Variants in LPIN1 observed in about 807,000 individuals in gnomAD.
LPIN1 encodes the protein phosphatidate phosphatase LPIN1.
Under a neutral mutation model 107.5 loss-of-function variants are expected in LPIN1, and 71 were observed. That is an observed-to-expected ratio of 0.66 (90% CI 0.55 to 0.80). The LOEUF is 0.80. Ranked by LOEUF, LPIN1 falls within the 30% of genes least tolerant of loss-of-function variation. The pLI, the probability that LPIN1 is intolerant of heterozygous loss-of-function variation, is 0.00. For synonymous variants in LPIN1, 445 were observed against 452.6 expected (o/e 0.98, Z 0.21); for missense variants, 1,043 against 1,160.6 (o/e 0.90, Z 1.47).
At chr2:11,790,673 C>G (rs916413909) in intron 12 of LPIN1, among the ~76,000 whole-genome samples, 1 of 152,156 alleles carries the variant, frequency 6.6e-6, no homozygotes, top group African/African-American at 2.4e-5. Context: ...ATTAACTAAC[C>G]CTATCCTCCA....
chr2:11,784,176 C>A, intron 9 of LPIN1: 2 of 722,654 alleles, frequency 2.8e-6, no homozygotes, highest in Non-Finnish European at 4.0e-6. Context: ...TGCTGGCATG[C>A]ACCTGTAATC....
At chr2:11,809,519 C>A (rs183186548) in intron 17 of LPIN1, among the ~76,000 whole-genome samples, 274 of 152,218 alleles carry the variant, frequency 1.8e-3, no homozygotes, top group African/African-American at 4.4e-3. Context: ...CAGGTTCAAG[C>A]GATTCTCCTG....
At chr2:11,685,425 G>A (rs1661955961) in intron 1 of LPIN1, among the ~76,000 whole-genome samples, 1 of 152,214 alleles carries the variant, frequency 6.6e-6, no homozygotes. Flanking sequence ...CCTGTTGGGA[G>A]GCTGTTGCAA....
chr2:11,744,204 T>C (rs1666651976), upstream of LPIN1, among the ~76,000 whole-genome samples: 1 of 152,230 alleles, frequency 6.6e-6, no homozygotes, highest in Admixed American at 6.5e-5. Context: ...CCTTCTCCTC[T>C]TCCGAGTGCA....
chr2:11,685,088 A>ATGACGTAATTTTCAATGGGGAGGT (rs1661933866), intron 1 of LPIN1, among the ~76,000 whole-genome samples: 1 of 152,130 alleles, frequency 6.6e-6, no homozygotes, highest in Non-Finnish European at 1.5e-5. Flanking sequence ...AGACGGGAGG[A>ATGACGTAATTTTCAATGGGGAGGT]TGACGTAATT....
intron 2 of LPIN1, 113 bp from the exon 3 acceptor site, chr2:11,767,650 C>T: frequency 1.3e-6 from 1 of 746,856 alleles, no homozygotes; most frequent in Non-Finnish European, 2.5e-6. Flanking sequence ...AGTTGTGTGG[C>T]ACTTCAGGGT....
chr2:11,757,580 G>C (rs1021506176), intron 1 of LPIN1, among the ~76,000 whole-genome samples: 3 of 152,180 alleles, frequency 2.0e-5, no homozygotes, highest in East Asian at 3.9e-4. Context: ...AGAAAGAAGA[G>C]CCTGGCTGCC....
At chr2:11,721,377 T>A (rs1484014472), upstream of LPIN1, among the ~76,000 whole-genome samples, 1 of 151,456 alleles carries the variant, frequency 6.6e-6, no homozygotes, top group African/African-American at 2.4e-5. Context: ...TTATAGGCCA[T>A]GGCTAAAATG....
intron 1 of LPIN1, among the ~76,000 whole-genome samples, chr2:11,752,609 TTTTAG>T (rs1668020547): frequency 1.3e-5 from 2 of 150,460 alleles, no homozygotes; most frequent in Admixed American, 1.3e-4. Flanking sequence ...TTTTTTGTAT[TTTTAG>T]TAGAGACGGG....
intron 1 of LPIN1, among the ~76,000 whole-genome samples, chr2:11,691,629 A>G (rs1292191007): frequency 6.6e-6 from 1 of 152,202 alleles, no homozygotes; most frequent in Non-Finnish European, 1.5e-5. Context: ...ATATTTGCTT[A>G]TCCATTGATA....
intron 3 of LPIN1, among the ~76,000 whole-genome samples, chr2:11,768,935 C>CA (rs1277200230): frequency 6.6e-6 from 1 of 150,536 alleles, no homozygotes; most frequent in South Asian, 2.1e-4. Context: ...GGCTCTGTCT[C>CA]AAAAAACAAA....
At chr2:11,762,749 A>G (rs538235240) in intron 1 of LPIN1, among the ~76,000 whole-genome samples, 1 of 152,300 alleles carries the variant, frequency 6.6e-6, no homozygotes, top group East Asian at 1.9e-4. Context: ...CAAAATATAT[A>G]TTTCCTATTA....
rs1238964019 is a variant in LPIN1, at chr2:11,825,016, T to C, written c.*225T>C. 5 of 583,754 alleles carry C rather than the reference T, an allele frequency of 8.6e-6. No individual in the cohort carries two copies. In the South Asian group the frequency reaches 1.0e-4, roughly 12 times the overall value. 36.2% of individuals were successfully genotyped at this position (583,754 alleles called of 1,614,324 possible). The stretch of plus-strand genomic sequence containing the variant: ...CTAGGCTAGGAGTTGGGTGCATTTG[T>C]ACCGTGAAAAGCATTCCTCAGTTGT... On this transcript the variant is annotated 3_prime_UTR_variant, in exon 21 of 21. Transcript: ENST00000674199. This position sits in a 1 kb window ranked among gnomAD's most constrained non-coding sequence, Gnocchi z 4.1.
At chr2:11,804,625 G>T in intron 16 of LPIN1, 54 bp downstream of exon 16, 1 of 1,563,270 alleles carries the variant, frequency 6.4e-7, no homozygotes. Context: ...CACCGTGGGG[G>T]TCTCTGGGCC....
chr2:11,824,863 A>G lies in LPIN1; in HGVS notation c.*72A>G, dbSNP rs1179510418. The G allele has an allele frequency of 7.1e-6, 11 of 1,556,734 alleles. No individual in the cohort carries two copies. In the Admixed American group the frequency reaches 1.7e-4, roughly 24 times the overall value. On this transcript the variant is annotated 3_prime_UTR_variant, in exon 21 of 21. Coordinates refer to ENST00000674199, the MANE Select transcript of LPIN1 (RefSeq NM_001349206.2). ...CCCATTAAAGGATAGGTCTCCCCGG[A>G]GTGCACAGCTCCACCTGGGAGCCTG...
At chr2:11,748,315 C>T (rs943948436) in intron 1 of LPIN1, among the ~76,000 whole-genome samples, 3 of 152,204 alleles carry the variant, frequency 2.0e-5, no homozygotes, top group Admixed American at 2.0e-4. Context: ...GAAGAAGGTC[C>T]TGAGGCCACC....
At chr2:11,736,756 C>G (rs1665831225) in intron 1 of LPIN1, among the ~76,000 whole-genome samples, 1 of 152,240 alleles carries the variant, frequency 6.6e-6, no homozygotes, top group Non-Finnish European at 1.5e-5. Flanking sequence ...TGGCCTCATT[C>G]CTGCCATCTC....
chr2:11,789,030 C>A (rs1220938185), intron 12 of LPIN1, among the ~76,000 whole-genome samples: 1 of 152,174 alleles, frequency 6.6e-6, no homozygotes, highest in Non-Finnish European at 1.5e-5. Context: ...CTCATCCTAC[C>A]CCAAACAATT....
Position 11,787,181 on chromosome 2 carries a change from G to A in LPIN1, c.1643+14G>A, listed in dbSNP as rs771636476. 6.4e-7 allele frequency: 1 copy of A among 1,567,274 alleles called. No homozygotes were observed. The highest frequency in any genetic ancestry group is 8.8e-7 in the Non-Finnish European group (1 of 1,137,286). ...GATTGGGAGTAAGTAAGTACCTCTT[G>A]AAAGTCACTTTGGCAGTAGCATGAT... On this transcript the variant is annotated intron_variant, in intron 11 of 20. Coordinates refer to ENST00000674199, the MANE Select transcript of LPIN1 (RefSeq NM_001349206.2).
Sources: allele counts gnomAD v4.1 joint callset (sites outside exome capture counted in the v4.1 genomes callset), GRCh38; gene constraint gnomAD v4.1.1; non-coding constraint Gnocchi (gnomAD v3.1); transcripts MANE v1.5; gene names NCBI Gene and HGNC (gene_info 2026-07-23, HGNC 2026-07-21).